The following TMCC3 variants were observed in gnomAD, a reference collection of about 807,000 sequenced individuals.
The protein encoded by TMCC3 is transmembrane and coiled-coil domain protein 3.
In TMCC3, 28 loss-of-function variants were observed where a neutral mutation model predicts 40.2. The observed-to-expected ratio is 0.70, with a 90% CI of 0.52 to 0.95. TMCC3 has a LOEUF of 0.95. Among genes scored for constraint, TMCC3 ranks in the 40% least tolerant of loss-of-function variants. The probability of loss-of-function intolerance (pLI) is 0.00; values close to 1 mark genes in which losing one functional copy is unlikely to be tolerated. For missense variants in TMCC3, 554 were observed against 615.2 expected, an observed-to-expected ratio of 0.90 and a Z score of 1.05; for synonymous variants, 255 against 248.5, an observed-to-expected ratio of 1.03 and a Z score of -0.25.
rs539659890 is a variant in TMCC3, at chr12:94,578,341, AT to A, written c.1131+52del. Reference sequence around the variant, plus strand: ...CATAAACATTTAGACTGTTAAATGAATTAAGGCTCGGGAAGAGCCCAGGCCT... The same window carrying A: ...CATAAACATTTAGACTGTTAAATGAATAAGGCTCGGGAAGAGCCCAGGCCT... On this transcript the variant is annotated intron_variant, in intron 3 of 3. Coordinates refer to ENST00000261226, the MANE Select transcript of TMCC3 (RefSeq NM_020698.4). 5,245 of 1,578,162 alleles carry A rather than the reference AT, an allele frequency of 3.3e-3. 11 individuals carry two copies. The highest frequency in any genetic ancestry group is 4.0e-3 in the Non-Finnish European group (4,681 of 1,160,842).
intron 1 of TMCC3, among the ~76,000 whole-genome samples, chr12:94,606,155 C>T (rs1489471146): frequency 3.3e-5 from 5 of 152,144 alleles, no homozygotes; most frequent in African/African-American, 4.8e-5. Context: ...GACCTAGAGC[C>T]TTTAACAATG....
intron 1 of TMCC3, among the ~76,000 whole-genome samples, chr12:94,633,488 G>A (rs1039237953): frequency 6.6e-6 from 1 of 152,136 alleles, no homozygotes; most frequent in Non-Finnish European, 1.5e-5. Flanking sequence ...CAATTTGTCT[G>A]CTTACTATTT....
Position 94,582,098 on chromosome 12 carries a change from T to C in TMCC3, c.519A>G (p.Lys173=). The C allele has an allele frequency of 6.2e-7, 1 of 1,614,162 alleles. No homozygotes were observed. Among genetic ancestry groups the C allele is most frequent in the South Asian group, 1.1e-5 (1 of 91,080 alleles). The part of the protein sequence containing the change: ...IHRSLKDAHV[K]SRTAPHCMES... ...CCATGCAATGGGGGGCAGTTCGAGA[T>C]TTCACGTGGGCATCTTTCAAAGAGC... Residue 173 remains lysine (K), a synonymous_variant, in exon 2 of 4, where the codon AAA becomes AAG. Transcript: ENST00000261226.
intron 2 of TMCC3, among the ~76,000 whole-genome samples, chr12:94,579,464 GC>G (rs1484558326): frequency 6.6e-6 from 1 of 152,162 alleles, no homozygotes; most frequent in Non-Finnish European, 1.5e-5. Flanking sequence ...CCCAGATCGC[GC>G]CACTGCACTC....
rs145860452 is a variant in TMCC3, at chr12:94,626,991, G to T, written c.78+23362C>A. The stretch of plus-strand genomic sequence containing the variant: ...TTCTCCTGGCTCAGCCTCCTGAGTA[G>T]CTGGGACTAAAGGTGTGCACTACCA... On this transcript the variant is annotated intron_variant, in intron 1 of 3. Transcript: ENST00000261226. 9.8e-3 allele frequency among the ~76,000 whole-genome samples: 1,495 copies of T among 152,156 alleles called. 28 individuals carry two copies. The highest frequency in any genetic ancestry group is 0.033 in the African/African-American group (1,374 of 41,502).
intron 1 of TMCC3, among the ~76,000 whole-genome samples, chr12:94,615,233 T>C (rs2068841213): frequency 1.3e-5 from 2 of 152,178 alleles, no homozygotes; most frequent in African/African-American, 4.8e-5. Context: ...TCCTGTGAGA[T>C]CAAAGGCTCC....
intron 1 of TMCC3, among the ~76,000 whole-genome samples, chr12:94,587,639 C>A (rs753569108): frequency 6.6e-6 from 1 of 152,186 alleles, no homozygotes; most frequent in Non-Finnish European, 1.5e-5. Context: ...TCCTGGCACA[C>A]TGAATGATTT....
intron 1 of TMCC3, among the ~76,000 whole-genome samples, chr12:94,646,470 C>G (rs930605249): frequency 3.2e-5 from 4 of 123,744 alleles, no homozygotes; most frequent in African/African-American, 6.3e-5. Flanking sequence ...GGAAGTCTCA[C>G]TCTTGTCCCC....
At chr12:94,628,705 A>G (rs2138874449) in intron 1 of TMCC3, among the ~76,000 whole-genome samples, 1 of 152,286 alleles carries the variant, frequency 6.6e-6, no homozygotes, top group South Asian at 2.1e-4. Flanking sequence ...CCAGCTCTAA[A>G]CTCATCCTCA....
At chr12:94,607,924 A>G (rs542058912) in intron 1 of TMCC3, among the ~76,000 whole-genome samples, 1 of 152,348 alleles carries the variant, frequency 6.6e-6, no homozygotes, top group South Asian at 2.1e-4. Flanking sequence ...TTTGATTTCT[A>G]TACTTTAATG....
rs751272448 is a variant in TMCC3 at position 94,578,505 on chromosome 12, C to T, written c.1020G>A (p.Leu340=). 1.2e-6 allele frequency: 2 copies of T among 1,614,070 alleles called. No individual in the cohort carries two copies. Among genetic ancestry groups the T allele is most frequent in the East Asian group, 4.5e-5 (2 of 44,872 alleles). Residue 340 remains leucine (L), a synonymous_variant, in exon 3 of 4, where the codon CTG becomes CTA. Transcript: ENST00000261226. Reference sequence around the variant, plus strand: ...GCTGATGCAGGTCCGTCAGGTCATGCAGCTGGTCCTCCAGTCGCTCATACC... The same window carrying T: ...GCTGATGCAGGTCCGTCAGGTCATGTAGCTGGTCCTCCAGTCGCTCATACC... The part of the protein sequence containing the change: ...RYRYERLEDQ[L]HDLTDLHQHE...
At position 94,567,980 on chromosome 12, in the gene TMCC3, G is replaced by A. The variant is rs1335523465; in HGVS notation, c.*3455C>T. The A allele has an allele frequency of 1.3e-5, 2 of 152,136 alleles. No homozygotes were observed. Among genetic ancestry groups the A allele is most frequent in the Admixed American group, 1.3e-4 (2 of 15,274 alleles). The allele number at this position is 152,136 out of a possible 1,614,324, so 9.4% of individuals were successfully genotyped here. A position where few individuals can be genotyped will look rare whatever the true frequency, so the allele number is the denominator to read the frequency against. ...ACCTGATATGCTAGAGAAATGGCAA[G>A]GCAATAAACACAGAGTGGGGCAATA... On this transcript the variant is annotated 3_prime_UTR_variant, in exon 4 of 4. Transcript: ENST00000261226.
At chr12:94,599,805 C>T (rs1465252314) in intron 1 of TMCC3, among the ~76,000 whole-genome samples, 1 of 152,148 alleles carries the variant, frequency 6.6e-6, no homozygotes, top group African/African-American at 2.4e-5. Context: ...AGTCTTTAAG[C>T]AAAACAAGAG....
Position 94,650,377 on chromosome 12 carries a change from G to A in TMCC3, c.54C>T (p.Gly18=), listed in dbSNP as rs1338748364. Residue 18 remains glycine (G), a synonymous_variant, in exon 1 of 4, where the codon GGC becomes GGT. Transcript: ENST00000261226. The stretch of plus-strand genomic sequence containing the variant: ...CCCGGCTCTTGCAGCGGTGGTGCCG[G>A]CCGGGGTACGAGTAGGTCCGGTCCA... ...LTVDRTYSYP[G]RHHRCKSRVE... The A allele has an allele frequency of 3.0e-6, 4 of 1,343,768 alleles. No individual in the cohort carries two copies. The highest frequency in any genetic ancestry group is 2.9e-6 in the Non-Finnish European group (3 of 1,040,880). The allele number at this position is 1,343,768 out of a possible 1,614,324, so 83.2% of individuals were successfully genotyped here.
At chr12:94,620,348 C>T (rs1255551140) in intron 1 of TMCC3, among the ~76,000 whole-genome samples, 4 of 149,972 alleles carry the variant, frequency 2.7e-5, no homozygotes, top group Admixed American at 2.0e-4. Context: ...AGTGTAATGG[C>T]GCGATCTCGG....
intron 1 of TMCC3, among the ~76,000 whole-genome samples, chr12:94,628,785 C>T (rs1351584536): frequency 2.6e-5 from 4 of 152,154 alleles, no homozygotes; most frequent in South Asian, 2.1e-4. Flanking sequence ...AAGCCATAAG[C>T]GCGTGACTTT....
intron 1 of TMCC3, among the ~76,000 whole-genome samples, chr12:94,591,587 C>CA (rs947222505): frequency 1.3e-4 from 19 of 151,358 alleles, no homozygotes; most frequent in South Asian, 2.1e-4. Context: ...CTGTCTCTAC[C>CA]AAAAAAAACA....
At chr12:94,644,682 G>A (rs919397655) in intron 1 of TMCC3, among the ~76,000 whole-genome samples, 7 of 152,098 alleles carry the variant, frequency 4.6e-5, no homozygotes, top group African/African-American at 7.2e-5. Context: ...ACAAATCACC[G>A]GTGAAAACGA....
intron 3 of TMCC3, among the ~76,000 whole-genome samples, chr12:94,575,200 C>T (rs1046225366): frequency 5.9e-5 from 9 of 152,132 alleles, no homozygotes; most frequent in East Asian, 3.8e-4. Flanking sequence ...TTTGTGTAAC[C>T]GTGCCTGTAA....
Sources: allele counts gnomAD v4.1 joint callset (sites outside exome capture counted in the v4.1 genomes callset), GRCh38; gene constraint gnomAD v4.1.1; transcripts MANE v1.5; gene names NCBI Gene and HGNC (gene_info 2026-07-23, HGNC 2026-07-21).